Variants in C16orf96 observed in about 807,000 individuals in gnomAD.
C16orf96 encodes uncharacterized protein C16orf96.
In C16orf96, 108 loss-of-function variants were observed where a neutral mutation model predicts 103.6. The observed-to-expected ratio is 1.04, with a 90% CI of 0.89 to 1.22. The LOEUF (loss-of-function observed/expected upper bound fraction) is 1.22, where lower values mean the gene tolerates loss of function less well. C16orf96 is among the 50% of genes most tolerant of loss of function. C16orf96 has a pLI of 0.00. For synonymous variants in C16orf96, 566 were observed against 593.5 expected (o/e 0.95, Z 0.67); for missense variants, 1,586 against 1,464.2 (o/e 1.08, Z -1.36).
the C16orf96 span, among the ~76,000 whole-genome samples, chr16:4,549,973 A>G: frequency 6.6e-6 from 1 of 152,032 alleles, no homozygotes; most frequent in Non-Finnish European, 1.5e-5. Context: ...TCTTTTCTTT[A>G]TCAATTACCC....
Position 4,600,498 on chromosome 16 carries a change from C to G in C16orf96, c.*181C>G, listed in dbSNP as rs1418347642. Reference sequence around the variant, plus strand: ...AGGCTGAGGCTCATGCGCCCCCCCCCATCCCTACCAAGTCCCCTCCACGTC... The same window carrying G: ...AGGCTGAGGCTCATGCGCCCCCCCCGATCCCTACCAAGTCCCCTCCACGTC... On this transcript the variant is annotated 3_prime_UTR_variant, in exon 16 of 16. Coordinates refer to ENST00000444310, the MANE Select transcript of C16orf96 (RefSeq NM_001145011.2). 18 of 474,484 alleles carry G rather than the reference C, an allele frequency of 3.8e-5. No homozygotes were observed. The highest frequency in any genetic ancestry group is 6.8e-5 in the Non-Finnish European group (18 of 263,024). The allele number at this position is 474,484 out of a possible 1,614,324, so 29.4% of individuals were successfully genotyped here.
At chr16:4,546,592 G>A in the C16orf96 span, among the ~76,000 whole-genome samples, 1 of 151,766 alleles carries the variant, frequency 6.6e-6, no homozygotes. Flanking sequence ...AGCCTCCTGA[G>A]GAGCTAGGAC....
At chr16:4,545,130 A>G in the C16orf96 span, among the ~76,000 whole-genome samples, 1 of 152,198 alleles carries the variant, frequency 6.6e-6, no homozygotes, top group African/African-American at 2.4e-5. Context: ...TCTAATGACC[A>G]GACGTTAGTT....
chr16:4,540,610 C>T, the C16orf96 span, among the ~76,000 whole-genome samples: 1 of 151,918 alleles, frequency 6.6e-6, no homozygotes, highest in Non-Finnish European at 1.5e-5. Flanking sequence ...GCCTGTAATC[C>T]CAGCTATTCG....
At chr16:4,567,235 TAATTTC>T (rs1555504949) in intron 1 of C16orf96, among the ~76,000 whole-genome samples, 1 of 151,938 alleles carries the variant, frequency 6.6e-6, no homozygotes, top group Non-Finnish European at 1.5e-5. Context: ...AATTAGTTTC[TAATTTC>T]TATTTCTATT....
Position 4,585,312 on chromosome 16 carries a change from A to AAAAAAAAAG in C16orf96, c.2353-1727_2353-1726insAAAAAAAAG, listed in dbSNP as rs60726283. 1.3e-4 allele frequency among the ~76,000 whole-genome samples: 14 copies of AAAAAAAAAG among 109,954 alleles called. 3 individuals are homozygous for AAAAAAAAAG. The highest frequency in any genetic ancestry group is 1.6e-4 in the Non-Finnish European group (9 of 55,892). 72.1% of individuals were successfully genotyped at this position (109,954 alleles called of 152,430 possible). A position where few individuals can be genotyped will look rare whatever the true frequency, so the allele number is the denominator to read the frequency against. ...TCTACAAAAAAAAAAAAAAAAAAAA[A>AAAAAAAAAG]TCCAGGTAGGTGGTGTCACCTGCAG... On this transcript the variant is annotated intron_variant, in intron 7 of 15. Coordinates refer to ENST00000444310, the MANE Select transcript of C16orf96 (RefSeq NM_001145011.2).
intron 5 of C16orf96, among the ~76,000 whole-genome samples, chr16:4,578,183 C>A (rs112905957): frequency 6.6e-6 from 1 of 152,088 alleles, no homozygotes; most frequent in African/African-American, 2.4e-5. Flanking sequence ...TCACTTTTGT[C>A]GCCGGTTGGA....
At chr16:4,571,784 G>T in intron 2 of C16orf96, 119 bp downstream of exon 2, 1 of 844,518 alleles carries the variant, frequency 1.2e-6, no homozygotes, top group Non-Finnish European at 1.8e-6. Flanking sequence ...GTGAGGGTGT[G>T]GTCATGTGGA....
chr16:4,546,658 G>T, the C16orf96 span, among the ~76,000 whole-genome samples: 3 of 151,820 alleles, frequency 2.0e-5, no homozygotes, highest in African/African-American at 7.3e-5. Context: ...TAGAGACAGG[G>T]TCTCACCGCG....
Position 4,594,693 on chromosome 16 carries a change from C to G in C16orf96, c.3028-11C>G. The G allele has an allele frequency of 6.4e-7, 1 of 1,551,050 alleles. No individual in the cohort carries two copies. The highest frequency in any genetic ancestry group is 8.7e-7 in the Non-Finnish European group (1 of 1,146,816). On this transcript the variant is annotated splice_polypyrimidine_tract_variant and intron_variant, in intron 13 of 15. Transcript: ENST00000444310. Reference sequence around the variant, plus strand: ...GGGGCTCCCTAACCCGGGACCTGGGCCATCCAACAGGCCGAGGTGGACATC... The same window carrying G: ...GGGGCTCCCTAACCCGGGACCTGGGGCATCCAACAGGCCGAGGTGGACATC...
chr16:4,587,299 G>A (rs1896949593), intron 8 of C16orf96, among the ~76,000 whole-genome samples, 186 bp downstream of exon 8: 1 of 152,116 alleles, frequency 6.6e-6, no homozygotes, highest in Non-Finnish European at 1.5e-5. Context: ...CAAGGCGGGT[G>A]GATCACCTGA....
At chr16:4,571,384 G>A (rs1328614379) in intron 1 of C16orf96, among the ~76,000 whole-genome samples, 177 bp from the exon 2 acceptor site, 1 of 152,198 alleles carries the variant, frequency 6.6e-6, no homozygotes, top group African/African-American at 2.4e-5. Flanking sequence ...GCCACTTGGA[G>A]ATGAGAGCAC....
At chr16:4,580,221 GA>G in intron 7 of C16orf96, 96 bp downstream of exon 7, 1 of 932,556 alleles carries the variant, frequency 1.1e-6, no homozygotes, top group Non-Finnish European at 1.5e-6. Context: ...ATGAGGTGGG[GA>G]TGCACTTGAG....
chr16:4,543,286 G>C, the C16orf96 span, among the ~76,000 whole-genome samples: 2 of 152,136 alleles, frequency 1.3e-5, no homozygotes, highest in Admixed American at 1.3e-4. Context: ...ATGAAACACA[G>C]AGTGTGTGGG....
Position 4,578,923 on chromosome 16 carries a change from C to A in C16orf96, c.2156-17C>A, listed in dbSNP as rs1310927582. The A allele has an allele frequency of 6.5e-7, 1 of 1,547,984 alleles. No homozygotes were observed. Among genetic ancestry groups the A allele is most frequent in the African/African-American group, 1.4e-5 (1 of 72,986 alleles). On this transcript the variant is annotated splice_polypyrimidine_tract_variant and intron_variant, in intron 5 of 15. Transcript: ENST00000444310. ...TCCATCCGAGCCCTCAGCAGCCACC[C>A]TGTCCTCTGCTTTCAGCCAATATGG...
chr16:4,589,744 TG>T (rs1897013472), intron 9 of C16orf96, among the ~76,000 whole-genome samples: 1 of 152,150 alleles, frequency 6.6e-6, no homozygotes, highest in Non-Finnish European at 1.5e-5. Context: ...GTATTAAACA[TG>T]ATAATAGTGT....
intron 7 of C16orf96, among the ~76,000 whole-genome samples, chr16:4,584,119 T>C (rs939686263): frequency 6.6e-6 from 1 of 152,114 alleles, no homozygotes; most frequent in Non-Finnish European, 1.5e-5. Context: ...CGGTGACAAA[T>C]GCAGGATGGG....
rs906184806 is a variant in C16orf96, at chr16:4,567,998, T to G, written c.421-3563T>G. On this transcript the variant is annotated intron_variant, in intron 1 of 15. Transcript: ENST00000444310. ...GATGTGAGCCACCACGTCCGGCCTG[T>G]TTTTGTTTTTTGTTTGTTTGTTTGT... is the stretch of plus-strand genomic sequence containing the variant. Among the ~76,000 whole-genome samples, 8 of 151,980 alleles carry G rather than the reference T, an allele frequency of 5.3e-5. No homozygotes were observed. The South Asian group carries it at 1.2e-3, about 24-fold the overall frequency.
In C16orf96 at chr16:4,594,521, C is replaced by G. The variant is rs1162317629; in HGVS notation, c.3027+11C>G. On this transcript the variant is annotated intron_variant, in intron 13 of 15. Transcript: ENST00000444310. ...ATCGACTATGACAGCGTGAGTCTGG[C>G]CGGGGCCTCCTTCTCAGAGGGTGGA... 6.5e-7 allele frequency: 1 copy of G among 1,548,988 alleles called. No individual in the cohort carries two copies. The highest frequency in any genetic ancestry group is 2.4e-5 in the East Asian group (1 of 40,846).
Sources: allele counts gnomAD v4.1 joint callset (sites outside exome capture counted in the v4.1 genomes callset), GRCh38; gene constraint gnomAD v4.1.1; transcripts MANE v1.5; gene names NCBI Gene and HGNC (gene_info 2026-07-23, HGNC 2026-07-21).